The following DPP10 variants were observed in gnomAD, a reference collection of about 807,000 sequenced individuals.
DPP10 encodes the protein inactive dipeptidyl peptidase 10.
DPP10 carries 33 observed loss-of-function variants against 120.9 expected under a neutral mutation model. That is an observed-to-expected ratio of 0.27 (90% confidence interval 0.21 to 0.37). The LOEUF (loss-of-function observed/expected upper bound fraction) is 0.37, where lower values mean the gene tolerates loss of function less well. DPP10 is among the 10% of genes least tolerant of loss of function. The probability of loss-of-function intolerance (pLI) is 1.00; values close to 1 mark genes in which losing one functional copy is unlikely to be tolerated. For missense variants in DPP10, 816 were observed against 942.8 expected, an observed-to-expected ratio of 0.87 and a Z score of 1.76; for synonymous variants, 337 against 326.1, an observed-to-expected ratio of 1.03 and a Z score of -0.36.
intron 3 of DPP10, among the ~76,000 whole-genome samples, chr2:115,381,127 G>A (rs1229592527): frequency 6.6e-6 from 1 of 152,080 alleles, no homozygotes; most frequent in Non-Finnish European, 1.5e-5. Context: ...AAATTCTCCT[G>A]GATAATATCC....
At chr2:115,012,730 A>G (rs980649611) in intron 1 of DPP10, among the ~76,000 whole-genome samples, 71 of 152,200 alleles carry the variant, frequency 4.7e-4, no homozygotes, top group African/African-American at 1.7e-3. Context: ...AAGGAACCAG[A>G]AAATCAATTC....
At chr2:114,904,871 G>A (rs531439255) in intron 1 of DPP10, among the ~76,000 whole-genome samples, 2 of 152,216 alleles carry the variant, frequency 1.3e-5, no homozygotes, top group South Asian at 2.1e-4. Context: ...ATAGTTGGGG[G>A]CAGAACTCGC....
chr2:115,187,221 A>G (rs1369679977), intron 1 of DPP10, among the ~76,000 whole-genome samples: 1 of 149,734 alleles, frequency 6.7e-6, no homozygotes, highest in Non-Finnish European at 1.5e-5. Context: ...TATTTTTAGT[A>G]GAGACGGGGT....
At chr2:115,132,073 G>A (rs780312253) in intron 1 of DPP10, 2 of 152,158 alleles carry the variant, frequency 1.3e-5, no homozygotes, top group Non-Finnish European at 2.9e-5. Flanking sequence ...CTGGGCGACA[G>A]AGTGGCGCCA....
chr2:114,830,781 A>G (rs991263299), intron 1 of DPP10, among the ~76,000 whole-genome samples: 6 of 152,132 alleles, frequency 3.9e-5, no homozygotes, highest in Non-Finnish European at 5.9e-5. Flanking sequence ...CTTTTACTGT[A>G]TTAAATAGTA....
chr2:114,925,439 C>T (rs554277768), intron 1 of DPP10, among the ~76,000 whole-genome samples: 15 of 152,216 alleles, frequency 9.9e-5, no homozygotes, highest in African/African-American at 3.1e-4. Flanking sequence ...CTGTGTTTAT[C>T]GAGATGACTG....
At chr2:114,870,125 C>G (rs1032459280) in intron 1 of DPP10, among the ~76,000 whole-genome samples, 1 of 152,180 alleles carries the variant, frequency 6.6e-6, no homozygotes, top group Non-Finnish European at 1.5e-5. Flanking sequence ...AATACTGCCT[C>G]TCTGGGCACA....
At chr2:115,289,394 C>T (rs2105916781) in intron 1 of DPP10, among the ~76,000 whole-genome samples, 1 of 148,852 alleles carries the variant, frequency 6.7e-6, no homozygotes, top group Middle Eastern at 3.5e-3. Context: ...AAGCAATCTA[C>T]TTTGGACAAA....
intron 5 of DPP10, among the ~76,000 whole-genome samples, chr2:115,584,832 G>A (rs961284061): frequency 6.6e-6 from 1 of 152,098 alleles, no homozygotes; most frequent in Non-Finnish European, 1.5e-5. Flanking sequence ...TGTCATTTTG[G>A]GTTCCAGGTG....
chr2:115,037,523 G>A (rs1002868178), intron 1 of DPP10, among the ~76,000 whole-genome samples: 3 of 152,144 alleles, frequency 2.0e-5, no homozygotes, highest in African/African-American at 4.8e-5. Context: ...AATTGTCCTC[G>A]AGAAGCTTGT....
At chr2:114,812,478 C>T (rs1321047336) in intron 1 of DPP10, among the ~76,000 whole-genome samples, 3 of 151,798 alleles carry the variant, frequency 2.0e-5, no homozygotes, top group Non-Finnish European at 4.4e-5. Flanking sequence ...GTTCCAGCTA[C>T]TCAGGATGCT....
At chr2:115,509,464 G>A (rs1429777507) in intron 4 of DPP10, among the ~76,000 whole-genome samples, 1 of 152,078 alleles carries the variant, frequency 6.6e-6, no homozygotes. Flanking sequence ...GCGTATGGTT[G>A]GATGAAAATA....
At chr2:114,663,227 T>C (rs1474987719) in intron 1 of DPP10, among the ~76,000 whole-genome samples, 1 of 150,528 alleles carries the variant, frequency 6.6e-6, no homozygotes, top group Non-Finnish European at 1.5e-5. Flanking sequence ...GATGTGTATA[T>C]TAAGAGCCTT....
chr2:115,436,207 GA>G (rs2071476765), intron 3 of DPP10, among the ~76,000 whole-genome samples: 1 of 151,824 alleles, frequency 6.6e-6, no homozygotes, highest in Non-Finnish European at 1.5e-5. Flanking sequence ...TCTTGATTAA[GA>G]AGTGATCATT....
chr2:115,315,380 T>C (rs1464423144), intron 2 of DPP10, among the ~76,000 whole-genome samples: 53 of 152,106 alleles, frequency 3.5e-4, no homozygotes, highest in Admixed American at 3.5e-3. Context: ...GATCTGTTAT[T>C]GTTATGCAAA....
chr2:114,722,637 G>T (rs1023575364), intron 1 of DPP10, among the ~76,000 whole-genome samples: 8 of 151,942 alleles, frequency 5.3e-5, no homozygotes, highest in Non-Finnish European at 1.2e-4. Flanking sequence ...TTAGCCGGGC[G>T]TGGTGGCGGG....
chr2:114,783,115 G>T (rs1682473721), intron 1 of DPP10, among the ~76,000 whole-genome samples: 1 of 152,090 alleles, frequency 6.6e-6, no homozygotes, highest in Admixed American at 6.5e-5. Flanking sequence ...AGGGTTTAAA[G>T]ATATGTAATG....
intron 1 of DPP10, among the ~76,000 whole-genome samples, chr2:114,953,873 G>T (rs6724132): frequency 0.99 from 150,142 of 152,250 alleles, 74,060 homozygotes; most frequent in Non-Finnish European, 1. Context: ...TGTGATTAGT[G>T]TTTGAAATTT....
chr2:114,643,197 T>C (rs988122905), intron 1 of DPP10, among the ~76,000 whole-genome samples: 3 of 151,950 alleles, frequency 2.0e-5, no homozygotes, highest in Non-Finnish European at 4.4e-5. Flanking sequence ...GTCATATGGC[T>C]ATTCTAAGAT....
Sources: allele counts gnomAD v4.1 joint callset (sites outside exome capture counted in the v4.1 genomes callset), GRCh38; gene constraint gnomAD v4.1.1; transcripts MANE v1.5; gene names NCBI Gene and HGNC (gene_info 2026-07-23, HGNC 2026-07-21).